Variants in TMEM38A observed in about 807,000 individuals in gnomAD.
The protein encoded by TMEM38A is transmembrane protein 38A.
TMEM38A carries 17 observed loss-of-function variants against 28.6 expected under a neutral mutation model. The observed-to-expected ratio is 0.60, with a 90% confidence interval of 0.41 to 0.89. The LOEUF (loss-of-function observed/expected upper bound fraction) is 0.89. Ranked by LOEUF, TMEM38A falls within the 40% of genes least tolerant of loss-of-function variation. The probability of loss-of-function intolerance (pLI) is 0.00; values close to 1 mark genes in which losing one functional copy is unlikely to be tolerated. For missense variants in TMEM38A, 328 were observed against 393.1 expected, an observed-to-expected ratio of 0.83 and a Z score of 1.40; for synonymous variants, 169 against 166.1, an observed-to-expected ratio of 1.02 and a Z score of -0.14.
At chr19:16,685,075 T>TAAATAAATAAAC (rs2086796384) in intron 4 of TMEM38A, among the ~76,000 whole-genome samples, 1 of 148,698 alleles carries the variant, frequency 6.7e-6, no homozygotes, top group Non-Finnish European at 1.5e-5. Flanking sequence ...AATAAATAAA[T>TAAATAAATAAAC]AAATAAATAA....
chr19:16,679,012 G>A (rs769637563), intron 1 of TMEM38A, among the ~76,000 whole-genome samples: 1 of 151,566 alleles, frequency 6.6e-6, no homozygotes, highest in Non-Finnish European at 1.5e-5. Flanking sequence ...AGCCAGGCAT[G>A]GTGGTGGCTG....
In TMEM38A at chr19:16,676,105, A is replaced by G. The variant is rs2086749956; in HGVS notation, c.125-3879A>G. On this transcript the variant is annotated intron_variant, in intron 1 of 5. Transcript: ENST00000187762. ...GCCGGGCGCGGTGGCTCACACCTGT[A>G]ATCCCAGCACTTTGTGAGGCCGAGG... 3.0e-5 allele frequency among the ~76,000 whole-genome samples: 4 copies of G among 133,482 alleles called. 1 individual carries two copies. The highest frequency in any genetic ancestry group is 1.6e-4 in the African/African-American group (4 of 25,120). The allele number at this position is 133,482 out of a possible 152,430, so 87.6% of individuals were successfully genotyped here. A position where few individuals can be genotyped will look rare whatever the true frequency, so the allele number is the denominator to read the frequency against.
chr19:16,676,089 G>A (rs4808522), intron 1 of TMEM38A, among the ~76,000 whole-genome samples: 8,246 of 149,562 alleles, frequency 0.055, 522 homozygotes, highest in East Asian at 0.25. Context: ...GGCCGGGCGC[G>A]GTGGCTCACA....
At chr19:16,686,456 C>G in intron 5 of TMEM38A, 51 bp downstream of exon 5, 1 of 1,466,606 alleles carries the variant, frequency 6.8e-7, no homozygotes, top group Non-Finnish European at 9.5e-7. Flanking sequence ...TGCCACCCTG[C>G]CACCTCCAGG....
At position 16,676,343 on chromosome 19, in the gene TMEM38A, G is replaced by A. The variant is rs569337171; in HGVS notation, c.125-3641G>A. Among the ~76,000 whole-genome samples the A allele has an allele frequency of 5.1e-4, 77 of 152,260 alleles. 1 individual carries two copies. In the South Asian group the frequency reaches 0.014, roughly 28 times the overall value. ...TGCACTCCAGCCTGCGGGACAGAGC[G>A]AGACTCCATCTCAAACAAAAAAAGA... On this transcript the variant is annotated intron_variant, in intron 1 of 5. Transcript: ENST00000187762.
chr19:16,661,165 A>G lies in TMEM38A; in HGVS notation c.-53A>G. 3 of 1,133,254 alleles carry G rather than the reference A, an allele frequency of 2.6e-6. No individual in the cohort carries two copies. The highest frequency in any genetic ancestry group is 3.3e-6 in the Non-Finnish European group (3 of 920,664). The allele number at this position is 1,133,254 out of a possible 1,614,324, so 70.2% of individuals were successfully genotyped here. On this transcript the variant is annotated 5_prime_UTR_variant, in exon 1 of 6. Transcript: ENST00000187762. The surrounding 1 kb of genome is among the most constrained non-coding windows in gnomAD (Gnocchi z 6.5). ...CAGTCGCCGGGCCGCGGGCGGCGGG[A>G]CGGACGAGGCCGGGGCCCCGGGTGG...
At chr19:16,681,363 G>A (rs898687680) in intron 3 of TMEM38A, among the ~76,000 whole-genome samples, 8 of 151,786 alleles carry the variant, frequency 5.3e-5, no homozygotes, top group Admixed American at 1.3e-4. Flanking sequence ...ATGATAAAAG[G>A]GTCAATCCAC....
In TMEM38A at chr19:16,687,871, G is replaced by A. The variant is rs191298660; in HGVS notation, c.673-273G>A. ...CAGCTTTTCTCTGAGCCCAGGTGTC[G>A]TGGGGAATTCTGGGGGATGGGTGAC... On this transcript the variant is annotated intron_variant, in intron 5 of 5. Coordinates refer to ENST00000187762, the MANE Select transcript of TMEM38A (RefSeq NM_024074.4). Among the ~76,000 whole-genome samples, 4 of 152,274 alleles carry A rather than the reference G, an allele frequency of 2.6e-5. No individual in the cohort carries two copies. The East Asian group carries it at 7.7e-4, about 29-fold the overall frequency.
At chr19:16,669,514 A>G (rs2086717613) in intron 1 of TMEM38A, among the ~76,000 whole-genome samples, 1 of 151,926 alleles carries the variant, frequency 6.6e-6, no homozygotes, top group African/African-American at 2.4e-5. Flanking sequence ...GACAAGTTTT[A>G]ACATTTTTCA....
At position 16,661,191 on chromosome 19, in the gene TMEM38A, C is replaced by T. The variant is rs777481657; in HGVS notation, c.-27C>T. 16 of 1,354,948 alleles carry T rather than the reference C, an allele frequency of 1.2e-5. No individual in the cohort carries two copies. The Admixed American group carries it at 2.4e-4, about 20-fold the overall frequency. The allele number at this position is 1,354,948 out of a possible 1,614,324, so 83.9% of individuals were successfully genotyped here. A position where few individuals can be genotyped will look rare whatever the true frequency, so the allele number is the denominator to read the frequency against. On this transcript the variant is annotated 5_prime_UTR_variant, in exon 1 of 6. Coordinates refer to ENST00000187762, the MANE Select transcript of TMEM38A (RefSeq NM_024074.4). The surrounding 1 kb of genome is among the most constrained non-coding windows in gnomAD (Gnocchi z 6.5). ...CGGACGAGGCCGGGGCCCCGGGTGG[C>T]ACCCGGCAGGCGGGCAGGCGGGCGC...
chr19:16,684,231 C>G (rs906104436), intron 4 of TMEM38A, among the ~76,000 whole-genome samples: 5 of 151,690 alleles, frequency 3.3e-5, no homozygotes, highest in Non-Finnish European at 4.4e-5. Context: ...CCCAGCTATT[C>G]AGGAAGCTGA....
chr19:16,671,258 T>C (rs1302367324), intron 1 of TMEM38A, among the ~76,000 whole-genome samples: 1 of 136,886 alleles, frequency 7.3e-6, no homozygotes, highest in African/African-American at 2.9e-5. Flanking sequence ...CAGGCTGGAG[T>C]GCAGTGGCAC....
rs1482369862 is a variant in TMEM38A at position 16,689,324 on chromosome 19, T to C, written c.*953T>C. The C allele has an allele frequency of 6.6e-6, 1 of 152,300 alleles. No individual in the cohort carries two copies. The highest frequency in any genetic ancestry group is 2.4e-5 in the African/African-American group (1 of 41,460). The allele number at this position is 152,300 out of a possible 1,614,324, so 9.4% of individuals were successfully genotyped here. ...AAAGGCTCACATGCTCCTAGCCTCG[T>C]GCAGTCAGGAGGGGAGACCAGGACA... On this transcript the variant is annotated 3_prime_UTR_variant, in exon 6 of 6. Coordinates refer to ENST00000187762, the MANE Select transcript of TMEM38A (RefSeq NM_024074.4).
chr19:16,674,656 G>A (rs141007765), intron 1 of TMEM38A, among the ~76,000 whole-genome samples: 1 of 151,148 alleles, frequency 6.6e-6, no homozygotes, highest in Admixed American at 6.6e-5. Flanking sequence ...AAAATTAGCC[G>A]GGCGTGGTGG....
intron 3 of TMEM38A, 78 bp from the exon 4 acceptor site, chr19:16,682,343 C>G: frequency 8.4e-7 from 1 of 1,188,976 alleles, no homozygotes; most frequent in South Asian, 1.2e-5. Flanking sequence ...AGTGGAGAGA[C>G]TGCTTCCTTG....
chr19:16,686,052 A>C (rs2086800310), intron 4 of TMEM38A, among the ~76,000 whole-genome samples: 1 of 152,176 alleles, frequency 6.6e-6, no homozygotes, highest in Non-Finnish European at 1.5e-5. Context: ...AATCCCAGCT[A>C]CTTGGGAGGC....
At chr19:16,670,755 A>G (rs1599386571) in intron 1 of TMEM38A, among the ~76,000 whole-genome samples, 1 of 152,210 alleles carries the variant, frequency 6.6e-6, no homozygotes, top group Middle Eastern at 3.4e-3. Flanking sequence ...CCTGGCCAAC[A>G]TGGAGAAATC....
chr19:16,686,027 G>T (rs550488518), intron 4 of TMEM38A, among the ~76,000 whole-genome samples: 299 of 152,334 alleles, frequency 2.0e-3, no homozygotes, highest in African/African-American at 6.5e-3. Flanking sequence ...GCCAGGCATG[G>T]TGGCATATGC....
intron 1 of TMEM38A, among the ~76,000 whole-genome samples, chr19:16,673,287 G>A (rs966157838): frequency 5.9e-5 from 9 of 152,104 alleles, no homozygotes; most frequent in South Asian, 4.2e-4. Context: ...TCACCATGTC[G>A]GCCAGGCTGG....
Sources: allele counts gnomAD v4.1 joint callset (sites outside exome capture counted in the v4.1 genomes callset), GRCh38; gene constraint gnomAD v4.1.1; non-coding constraint Gnocchi (gnomAD v3.1); transcripts MANE v1.5; gene names NCBI Gene and HGNC (gene_info 2026-07-23, HGNC 2026-07-21).